Variants in CLSTN2 observed in about 807,000 individuals in gnomAD.
CLSTN2 encodes calsyntenin 2.
A neutral mutation model predicts 101.2 loss-of-function variants in CLSTN2; 48 were observed. The ratio of observed to expected loss-of-function variants is 0.47; its 90% CI spans 0.38 to 0.60. The LOEUF (loss-of-function observed/expected upper bound fraction) is 0.60, where lower values mean the gene tolerates loss of function less well. CLSTN2 is among the 20% of genes least tolerant of loss of function. The probability of loss-of-function intolerance (pLI) is 0.00; values close to 1 mark genes in which losing one functional copy is unlikely to be tolerated. For missense variants in CLSTN2, 1,160 were observed against 1,238.2 expected (o/e 0.94, Z 0.95); for synonymous variants, 481 against 463.6 (o/e 1.04, Z -0.48).
intron 1 of CLSTN2, among the ~76,000 whole-genome samples, chr3:139,951,208 C>T (rs762157319): frequency 2.0e-5 from 3 of 152,186 alleles, no homozygotes; most frequent in Non-Finnish European, 4.4e-5. Flanking sequence ...ATGCACTCAC[C>T]ATTTCCTGGT....
At chr3:140,016,274 C>G (rs893949793) in intron 1 of CLSTN2, among the ~76,000 whole-genome samples, 1 of 152,144 alleles carries the variant, frequency 6.6e-6, no homozygotes, top group Non-Finnish European at 1.5e-5. Flanking sequence ...GCCAAGAAAT[C>G]TGGCAAACCA....
chr3:140,035,048 C>A (rs1576404388), intron 1 of CLSTN2, among the ~76,000 whole-genome samples: 1 of 152,172 alleles, frequency 6.6e-6, no homozygotes, highest in Non-Finnish European at 1.5e-5. Flanking sequence ...TCCCGGGAAC[C>A]TACCTTTACC....
intron 9 of CLSTN2, among the ~76,000 whole-genome samples, chr3:140,534,594 G>A (rs886398951): frequency 1.3e-5 from 2 of 152,216 alleles, no homozygotes; most frequent in Non-Finnish European, 2.9e-5. Flanking sequence ...TCCACAGTCA[G>A]TAGACAGAGC....
chr3:139,958,210 T>A (rs1431581308), intron 1 of CLSTN2, among the ~76,000 whole-genome samples: 2 of 152,198 alleles, frequency 1.3e-5, no homozygotes, highest in Non-Finnish European at 2.9e-5. Context: ...TTGGCAGGGG[T>A]ACAGCCACCA....
At chr3:140,048,119 T>A (rs914951135) in intron 1 of CLSTN2, among the ~76,000 whole-genome samples, 5 of 152,178 alleles carry the variant, frequency 3.3e-5, no homozygotes, top group Non-Finnish European at 5.9e-5. Flanking sequence ...GTGATCAAAA[T>A]GGGCATAAAT....
intron 1 of CLSTN2, among the ~76,000 whole-genome samples, chr3:140,011,410 C>T (rs1262395978): frequency 6.6e-6 from 1 of 152,112 alleles, no homozygotes; most frequent in East Asian, 1.9e-4. Flanking sequence ...GAACTGCAGA[C>T]CACCAGCTCT....
chr3:140,045,407 TTC>T (rs1313277618), intron 1 of CLSTN2, among the ~76,000 whole-genome samples: 1 of 152,198 alleles, frequency 6.6e-6, no homozygotes, highest in Non-Finnish European at 1.5e-5. Context: ...TATTTGATTC[TTC>T]TCTCTTTTCT....
chr3:140,229,416 C>G (rs946070036), intron 2 of CLSTN2, among the ~76,000 whole-genome samples: 1 of 152,090 alleles, frequency 6.6e-6, no homozygotes, highest in South Asian at 2.1e-4. Flanking sequence ...GATGCTGGAG[C>G]TGCTGTGGGG....
At chr3:140,287,960 G>C (rs1285260899) in intron 2 of CLSTN2, among the ~76,000 whole-genome samples, 2 of 152,146 alleles carry the variant, frequency 1.3e-5, no homozygotes, top group Non-Finnish European at 2.9e-5. Context: ...AGACTAAGTT[G>C]CTCATCTTTC....
At chr3:140,531,583 C>T (rs1049874738) in intron 8 of CLSTN2, among the ~76,000 whole-genome samples, 5 of 151,986 alleles carry the variant, frequency 3.3e-5, no homozygotes, top group African/African-American at 1.2e-4. Flanking sequence ...TTAGAGGGAG[C>T]GTGAAGGAGA....
chr3:140,571,073 GT>G lies in CLSTN2; in HGVS notation c.*4822del, dbSNP rs1294698555. On this transcript the variant is annotated 3_prime_UTR_variant, in exon 17 of 17. Transcript: ENST00000458420. ...AGCCTTGGATCGAGGTGATTGCCTG[GT>G]TACTGAGTGCTAACTCCACTGAGGC... 2 of 152,232 alleles carry G rather than the reference GT, an allele frequency of 1.3e-5. No homozygotes were observed. The highest frequency in any genetic ancestry group is 1.3e-4 in the Admixed American group (2 of 15,276). The allele number at this position is 152,232 out of a possible 1,614,324, so 9.4% of individuals were successfully genotyped here.
chr3:140,252,500 A>T (rs1239678935), intron 2 of CLSTN2, among the ~76,000 whole-genome samples: 1 of 152,196 alleles, frequency 6.6e-6, no homozygotes, highest in African/African-American at 2.4e-5. Flanking sequence ...TTCCTGACAC[A>T]GAAGGGCGTA....
At chr3:140,292,624 C>G (rs2086966067) in intron 2 of CLSTN2, among the ~76,000 whole-genome samples, 1 of 152,186 alleles carries the variant, frequency 6.6e-6, no homozygotes, top group African/African-American at 2.4e-5. Flanking sequence ...ATGCAAGTTG[C>G]ACAGTCAGAA....
chr3:140,230,533 T>A (rs2086361576), intron 2 of CLSTN2, among the ~76,000 whole-genome samples: 1 of 152,166 alleles, frequency 6.6e-6, no homozygotes, highest in Admixed American at 6.5e-5. Context: ...AGAGCCCTCA[T>A]AAATGGGATT....
chr3:140,423,232 A>T (rs2088525273), intron 5 of CLSTN2, among the ~76,000 whole-genome samples: 1 of 152,244 alleles, frequency 6.6e-6, no homozygotes, highest in Admixed American at 6.5e-5. Context: ...CACAATGTTT[A>T]ACTCTACGAG....
chr3:140,489,330 T>C (rs769465737), intron 8 of CLSTN2, among the ~76,000 whole-genome samples: 7 of 152,192 alleles, frequency 4.6e-5, no homozygotes, highest in Non-Finnish European at 8.8e-5. Flanking sequence ...TTTGTGTAGC[T>C]TTATGCATCT....
chr3:140,018,301 G>A (rs149847806), intron 1 of CLSTN2, among the ~76,000 whole-genome samples: 135 of 152,292 alleles, frequency 8.9e-4, no homozygotes, highest in African/African-American at 3.2e-3. Context: ...CTTTATATGA[G>A]TGCTCAGGCC....
intron 2 of CLSTN2, among the ~76,000 whole-genome samples, chr3:140,283,070 A>C (rs1391374466): frequency 6.6e-6 from 1 of 152,148 alleles, no homozygotes; most frequent in African/African-American, 2.4e-5. Context: ...CATGTTGTTC[A>C]GAGTTCCTAT....
intron 1 of CLSTN2, among the ~76,000 whole-genome samples, chr3:139,959,838 T>C (rs1028396413): frequency 1.6e-4 from 25 of 152,148 alleles, no homozygotes; most frequent in African/African-American, 5.8e-4. Context: ...ACACAGAATG[T>C]CACTATCCAC....
Sources: allele counts gnomAD v4.1 joint callset (sites outside exome capture counted in the v4.1 genomes callset), GRCh38; gene constraint gnomAD v4.1.1; transcripts MANE v1.5; gene names NCBI Gene and HGNC (gene_info 2026-07-23, HGNC 2026-07-21).